Variants in C1orf116 observed in about 807,000 individuals in gnomAD.
C1orf116 encodes specifically androgen-regulated gene protein.
A neutral mutation model predicts 14.1 loss-of-function variants in C1orf116; 12 were observed. The ratio of observed to expected loss-of-function variants is 0.85; its 90% CI spans 0.54 to 1.38. C1orf116 has a LOEUF of 1.38. C1orf116 is among the 40% of genes most tolerant of loss of function. The pLI is 0.00. For synonymous variants in C1orf116, 296 were observed against 299.0 expected (o/e 0.99, Z 0.10); for missense variants, 797 against 747.0 (o/e 1.07, Z -0.78).
intron 1 of C1orf116, among the ~76,000 whole-genome samples, chr1:207,031,768 A>G (rs1053884635): frequency 6.6e-6 from 1 of 152,226 alleles, no homozygotes; most frequent in Non-Finnish European, 1.5e-5. Context: ...ACTCTGCCAC[A>G]CTACCTTGGC....
chr1:207,022,028 A>G lies in C1orf116; in HGVS notation c.1736T>C (p.Ile579Thr), dbSNP rs1049391477. 26 of 1,587,420 alleles carry G rather than the reference A, an allele frequency of 1.6e-5. No individual in the cohort carries two copies. Among genetic ancestry groups the G allele is most frequent in the Non-Finnish European group, 1.9e-5 (22 of 1,168,804 alleles). Residue 579 changes from isoleucine (I) to threonine (T), a missense_variant, in exon 4 of 4, where the codon ATC becomes ACC. Coordinates refer to ENST00000359470, the MANE Select transcript of C1orf116 (RefSeq NM_023938.6). ...TTCATTGGGGACACCCTTTGGGGAG[A>G]TCTTGACACTGACACAGGGGGGGCG... ...LPRPPCVSVK[I>T]SPKGVPNEHR...
intron 3 of C1orf116, among the ~76,000 whole-genome samples, chr1:207,024,270 T>C (rs1027908649): frequency 6.6e-6 from 1 of 152,226 alleles, no homozygotes; most frequent in African/African-American, 2.4e-5. Flanking sequence ...ATTTGCTAAA[T>C]GAAACAACAC....
chr1:207,022,551 C>T lies in C1orf116; in HGVS notation c.1213G>A (p.Ala405Thr), dbSNP rs138223963. Residue 405 changes from alanine (A) to threonine (T), a missense_variant, in exon 4 of 4, where the codon GCT becomes ACT. Ala to Thr is a moderately conservative substitution (Grantham distance 58). Coordinates refer to ENST00000359470, the MANE Select transcript of C1orf116 (RefSeq NM_023938.6). ...APAQASAAIP[A>T]AGKALAQAPA... ...GCTTGAGCCAGAGCCTTCCCAGCAG[C>T]AGGAATAGCTGCTGAGGCCTGGGCT... The T allele has an allele frequency of 6.2e-6, 10 of 1,614,094 alleles. No individual in the cohort carries two copies. In the African/African-American group the frequency reaches 1.2e-4, roughly 19 times the overall value.
At chr1:207,029,358 A>C (rs552172256) in intron 1 of C1orf116, among the ~76,000 whole-genome samples, 1 of 152,292 alleles carries the variant, frequency 6.6e-6, no homozygotes, top group South Asian at 2.1e-4. Flanking sequence ...GGGTTTCTTC[A>C]TGAGGTTAGC....
intron 1 of C1orf116, among the ~76,000 whole-genome samples, chr1:207,028,750 A>G (rs1235179089): frequency 3.9e-5 from 6 of 152,240 alleles, no homozygotes; most frequent in African/African-American, 1.4e-4. Context: ...GTTTGTGGGA[A>G]ATACTCCACT....
rs779556111 is a variant in C1orf116, at chr1:207,019,270, C to A, written c.*2688G>T. The A allele has an allele frequency of 5.3e-5, 8 of 152,308 alleles. No homozygotes were observed. The highest frequency in any genetic ancestry group is 7.2e-5 in the African/African-American group (3 of 41,466). 9.4% of individuals were successfully genotyped at this position (152,308 alleles called of 1,614,324 possible). A position where few individuals can be genotyped will look rare whatever the true frequency, so the allele number is the denominator to read the frequency against. On this transcript the variant is annotated 3_prime_UTR_variant, in exon 4 of 4. Coordinates refer to ENST00000359470, the MANE Select transcript of C1orf116 (RefSeq NM_023938.6). Reference sequence around the variant, plus strand: ...CTGTCAACACATCTGAGGGCACAGACCCCCCTATCATGCCAGGCTGGGAGA... The same window carrying A: ...CTGTCAACACATCTGAGGGCACAGAACCCCCTATCATGCCAGGCTGGGAGA...
rs74152404 is a variant in C1orf116 at position 207,027,613 on chromosome 1, T to C, written c.-15A>G. On this transcript the variant is annotated 5_prime_UTR_variant, in exon 2 of 4. Transcript: ENST00000359470. ...CTCTCGGGCATCACCCGAAACAAGG[T>C]GCAGGGATGGCAAAGGGGGCTTCTA... The C allele has an allele frequency of 0.019, 30,350 of 1,610,084 alleles. 4,134 individuals are homozygous for C. The African/African-American group carries it at 0.32, about 17-fold the overall frequency.
chr1:207,031,258 G>A (rs1214325307), intron 1 of C1orf116, among the ~76,000 whole-genome samples: 1 of 152,230 alleles, frequency 6.6e-6, no homozygotes, highest in African/African-American at 2.4e-5. Flanking sequence ...GCAAGTTTCT[G>A]TGTGTGTTTA....
Position 207,022,476 on chromosome 1 carries a change from G to C in C1orf116, c.1288C>G (p.Pro430Ala). Residue 430 changes from proline to alanine, a missense_variant, in exon 4 of 4, where the codon CCA (proline) becomes GCA (alanine). Coordinates refer to ENST00000359470, the MANE Select transcript of C1orf116 (RefSeq NM_023938.6). ...CTAGCTGCAACATTGCCTGGAGCTG[G>C]AGACTTCATTGGCAAAGGTCCCTGA... ...PAQGPLPMKS[P>A]APGNVAASKS... 1 of 1,614,210 alleles carries C rather than the reference G, an allele frequency of 6.2e-7. No individual in the cohort carries two copies. The highest frequency in any genetic ancestry group is 1.3e-5 in the African/African-American group (1 of 75,070).
rs1042273260 is a variant in C1orf116, at chr1:207,022,234, T to C, written c.1530A>G (p.Gly510=). The part of the protein sequence containing the change: ...DASPKTSTSL[G]KGSFLDKISP... ...AGATCTTGTCCAAGAAGGAGCCCTT[T>C]CCCAGAGAAGTGCTGGTTTTGGGGC... The change falls in exon 4 of 4, where the codon GGA becomes GGG. Residue 510 remains glycine, a synonymous_variant. Coordinates refer to ENST00000359470, the MANE Select transcript of C1orf116 (RefSeq NM_023938.6). 3.7e-6 allele frequency: 6 copies of C among 1,613,930 alleles called. No individual in the cohort carries two copies. In the Admixed American group the frequency reaches 6.7e-5, roughly 18 times the overall value.
intron 3 of C1orf116, 42 bp from the exon 4 acceptor site, chr1:207,023,522 G>T: frequency 1.3e-6 from 2 of 1,547,600 alleles, no homozygotes; most frequent in East Asian, 4.5e-5. Flanking sequence ...GACAGAAAAA[G>T]AGTGGACAGA....
rs1179361269 is a variant in C1orf116 at position 207,021,490 on chromosome 1, A to G, written c.*468T>C. The stretch of plus-strand genomic sequence containing the variant: ...GAGCCAGTCTCCATCCACTGTAGGG[A>G]TTCCAGGAGGCCCATATTTCATGTG... On this transcript the variant is annotated 3_prime_UTR_variant, in exon 4 of 4. Coordinates refer to ENST00000359470, the MANE Select transcript of C1orf116 (RefSeq NM_023938.6). The G allele has an allele frequency of 6.5e-6, 1 of 153,054 alleles. No homozygotes were observed. Among genetic ancestry groups the G allele is most frequent in the Non-Finnish European group, 1.5e-5 (1 of 68,418 alleles). The allele number at this position is 153,054 out of a possible 1,614,324, so 9.5% of individuals were successfully genotyped here.
Position 207,020,189 on chromosome 1 carries a change from T to C in C1orf116, c.*1769A>G, listed in dbSNP as rs1681794816. On this transcript the variant is annotated 3_prime_UTR_variant, in exon 4 of 4. Transcript: ENST00000359470. ...CCGTGACAGACCAAGTCCTCACCCA[T>C]GGCCAGGAATGAGGCACAGGCTTTT... The C allele has an allele frequency of 6.6e-6, 1 of 152,154 alleles. No homozygotes were observed. The highest frequency in any genetic ancestry group is 6.5e-5 in the Admixed American group (1 of 15,284). 9.4% of individuals were successfully genotyped at this position (152,154 alleles called of 1,614,324 possible). A position where few individuals can be genotyped will look rare whatever the true frequency, so the allele number is the denominator to read the frequency against.
rs2102304027 is a variant in C1orf116 at position 207,028,030 on chromosome 1, C to T, written c.-81-351G>A. The stretch of plus-strand genomic sequence containing the variant: ...GGTTCTGGAGTTAGTTGGGTCTGGG[C>T]TCAAATCCCAGTTTAGCCATTTACA... On this transcript the variant is annotated intron_variant, in intron 1 of 3. Transcript: ENST00000359470. 2.0e-5 allele frequency among the ~76,000 whole-genome samples: 3 copies of T among 152,284 alleles called. No homozygotes were observed. In the Middle Eastern group the frequency reaches 0.01, roughly 518 times the overall value.
intron 1 of C1orf116, among the ~76,000 whole-genome samples, chr1:207,029,252 G>A (rs1003774094): frequency 5.3e-5 from 8 of 152,080 alleles, no homozygotes; most frequent in African/African-American, 1.9e-4. Context: ...TGGTTCATAG[G>A]GGTCCAGATC....
In C1orf116 at chr1:207,028,509, A is replaced by G. The variant is rs1682148026; in HGVS notation, c.-81-830T>C. 2.0e-5 allele frequency among the ~76,000 whole-genome samples: 3 copies of G among 152,142 alleles called. No homozygotes were observed. In the South Asian group the frequency reaches 6.2e-4, roughly 32 times the overall value. ...AGGGCACCTGCAGTGGTTGACACAA[A>G]CCTATTTTCTTTCTAGTGAATCTCT... On this transcript the variant is annotated intron_variant, in intron 1 of 3. Coordinates refer to ENST00000359470, the MANE Select transcript of C1orf116 (RefSeq NM_023938.6).
chr1:207,028,309 C>T (rs1017918494), intron 1 of C1orf116, among the ~76,000 whole-genome samples: 1 of 152,150 alleles, frequency 6.6e-6, no homozygotes, highest in African/African-American at 2.4e-5. Flanking sequence ...AGACTGTAGA[C>T]TTGAGAGAAG....
Position 207,022,792 on chromosome 1 carries a change from G to A in C1orf116, c.972C>T (p.Arg324=), listed in dbSNP as rs760080872. ...FHSDPQHWLS[R]HTEAAPGDSG... is the part of the protein sequence containing the mutation. ...AATCTCCAGGGGCAGCCTCAGTGTG[G>A]CGGGACAGCCAGTGCTGGGGGTCAC... Residue 324 remains arginine (R), a synonymous_variant, in exon 4 of 4, where the codon CGC becomes CGT. Transcript: ENST00000359470. 1 of 1,614,142 alleles carries A rather than the reference G, an allele frequency of 6.2e-7. No individual in the cohort carries two copies. The highest frequency in any genetic ancestry group is 8.5e-7 in the Non-Finnish European group (1 of 1,180,032).
At chr1:207,030,762 G>C (rs1001616031) in intron 1 of C1orf116, among the ~76,000 whole-genome samples, 4 of 152,232 alleles carry the variant, frequency 2.6e-5, no homozygotes, top group Middle Eastern at 3.2e-3. Context: ...CTCAAGGTGA[G>C]AGTTTGGTAT....
Sources: gnomAD v4.1 joint callset for allele counts (sites outside exome capture counted in the v4.1 genomes callset) on GRCh38, gnomAD v4.1.1 for gene constraint, MANE v1.5 for transcripts, NCBI Gene and HGNC (gene_info 2026-07-23, HGNC 2026-07-21) for gene names.